The following FAM81A variants were observed in gnomAD, a reference collection of about 807,000 sequenced individuals.
FAM81A encodes family with sequence similarity 81 member A.
FAM81A carries 19 observed loss-of-function variants against 46.7 expected under a neutral mutation model. The ratio of observed to expected loss-of-function variants is 0.41; its 90% CI spans 0.28 to 0.60. FAM81A has a LOEUF of 0.60. FAM81A is among the 20% of genes least tolerant of loss of function. The probability of loss-of-function intolerance (pLI) is 0.34; values close to 1 mark genes in which losing one functional copy is unlikely to be tolerated. For missense variants in FAM81A, 377 were observed against 453.5 expected (o/e 0.83, Z 1.53); for synonymous variants, 183 against 152.9 (o/e 1.20, Z -1.45).
intron 3 of FAM81A, among the ~76,000 whole-genome samples, chr15:59,489,298 C>CATAT (rs1555432336): frequency 1.4e-3 from 207 of 150,586 alleles, no homozygotes; most frequent in African/African-American, 5.0e-3. Flanking sequence ...TACATACATA[C>CATAT]ATACATACAT....
chr15:59,470,882 G>A (rs1044275954), intron 3 of FAM81A, among the ~76,000 whole-genome samples: 2 of 152,032 alleles, frequency 1.3e-5, no homozygotes, highest in Admixed American at 6.6e-5. Flanking sequence ...TAGTGCAGTG[G>A]CTCTATTACA....
chr15:59,492,245 C>G (rs368755462), intron 3 of FAM81A, 26 bp from the exon 4 acceptor site: 2 of 1,541,758 alleles, frequency 1.3e-6, no homozygotes, highest in Non-Finnish European at 1.8e-6. Context: ...TTAGATGACT[C>G]CCTTAGTGTT....
intron 2 of FAM81A, among the ~76,000 whole-genome samples, chr15:59,426,765 G>A (rs1029508482): frequency 1.3e-5 from 2 of 152,116 alleles, no homozygotes; most frequent in South Asian, 2.1e-4. Context: ...AACACGCCTC[G>A]ACATACCTCT....
At chr15:59,462,675 T>A (rs1301283301) in intron 3 of FAM81A, among the ~76,000 whole-genome samples, 1 of 152,176 alleles carries the variant, frequency 6.6e-6, no homozygotes, top group African/African-American at 2.4e-5. Flanking sequence ...CACTCCACTT[T>A]CCCCTCAGCC....
intron 1 of FAM81A, among the ~76,000 whole-genome samples, chr15:59,447,223 TAA>T (rs1490247326): frequency 6.6e-6 from 1 of 152,200 alleles, no homozygotes; most frequent in Non-Finnish European, 1.5e-5. Flanking sequence ...GTTGCTGAGG[TAA>T]TGTACAGTTG....
At chr15:59,426,559 C>T (rs1567040317) in intron 2 of FAM81A, among the ~76,000 whole-genome samples, 1 of 152,252 alleles carries the variant, frequency 6.6e-6, no homozygotes, top group Non-Finnish European at 1.5e-5. Flanking sequence ...TTGCGGTGAA[C>T]CGAGATTGCG....
Position 59,518,076 on chromosome 15 carries a change from G to A in FAM81A, c.982+1236G>A, listed in dbSNP as rs574057132. On this transcript the variant is annotated intron_variant, in intron 8 of 8. Coordinates refer to ENST00000288228, the MANE Select transcript of FAM81A (RefSeq NM_152450.3). ...CAACCTCTGCCTTCAGGGTACAAGCGATTCTCCTGCCTCAGCCTCCTGAGT... is the reference window on the plus strand; with the variant it reads ...CAACCTCTGCCTTCAGGGTACAAGCAATTCTCCTGCCTCAGCCTCCTGAGT... Among the ~76,000 whole-genome samples, 8 of 151,088 alleles carry A rather than the reference G, an allele frequency of 5.3e-5. No individual in the cohort carries two copies. The East Asian group carries it at 9.7e-4, about 18-fold the overall frequency.
At chr15:59,406,164 T>G (rs528723523) in intron 2 of FAM81A, among the ~76,000 whole-genome samples, 1 of 152,268 alleles carries the variant, frequency 6.6e-6, no homozygotes, top group South Asian at 2.1e-4. Flanking sequence ...ATCATTCTCA[T>G]TGAAAAATTC....
intron 3 of FAM81A, among the ~76,000 whole-genome samples, chr15:59,472,375 C>T (rs549490370): frequency 1.3e-5 from 2 of 152,030 alleles, no homozygotes; most frequent in South Asian, 2.1e-4. Flanking sequence ...CAAAACATAA[C>T]GAAAACCTGA....
At chr15:59,486,856 C>A (rs1404726746) in intron 3 of FAM81A, among the ~76,000 whole-genome samples, 1 of 152,232 alleles carries the variant, frequency 6.6e-6, no homozygotes, top group East Asian at 1.9e-4. Context: ...GATTTATCAA[C>A]ACCAGGCCTG....
chr15:59,451,653 A>C (rs535674308), intron 1 of FAM81A, among the ~76,000 whole-genome samples: 4 of 152,206 alleles, frequency 2.6e-5, no homozygotes, highest in African/African-American at 9.6e-5. Context: ...CAGTTTCCTC[A>C]TGTTGGTCAG....
chr15:59,404,440 T>G (rs1596457838), intron 2 of FAM81A, among the ~76,000 whole-genome samples: 1 of 152,156 alleles, frequency 6.6e-6, no homozygotes, highest in African/African-American at 2.4e-5. Flanking sequence ...CTGTAGCAGT[T>G]TGGTGAGAAA....
chr15:59,438,850 T>G (rs2081265523), intron 1 of FAM81A, among the ~76,000 whole-genome samples: 1 of 152,138 alleles, frequency 6.6e-6, no homozygotes. Context: ...TAAGAAATGT[T>G]ATCGTTGTCT....
chr15:59,441,917 T>C (rs1007271564), intron 1 of FAM81A, among the ~76,000 whole-genome samples: 3 of 152,224 alleles, frequency 2.0e-5, no homozygotes, highest in African/African-American at 7.2e-5. Context: ...CACTGGGCAC[T>C]TTCCCCGCGC....
intron 4 of FAM81A, among the ~76,000 whole-genome samples, chr15:59,496,213 C>T (rs1004166261): frequency 6.6e-6 from 1 of 151,990 alleles, no homozygotes; most frequent in African/African-American, 2.4e-5. Flanking sequence ...GGTAAGGTTC[C>T]ACATTTATTA....
At chr15:59,497,708 A>G (rs1475980581) in intron 4 of FAM81A, among the ~76,000 whole-genome samples, 3 of 152,152 alleles carry the variant, frequency 2.0e-5, no homozygotes, top group Non-Finnish European at 4.4e-5. Flanking sequence ...ACATAGCAAG[A>G]CTGTATATCT....
intron 3 of FAM81A, among the ~76,000 whole-genome samples, chr15:59,480,581 G>A (rs1219860938): frequency 6.6e-6 from 1 of 152,116 alleles, no homozygotes; most frequent in Non-Finnish European, 1.5e-5. Context: ...CTTGTGTGAA[G>A]CATGTTTATT....
chr15:59,414,682 G>A (rs1407089744), intron 2 of FAM81A, among the ~76,000 whole-genome samples: 1 of 152,150 alleles, frequency 6.6e-6, no homozygotes, highest in Non-Finnish European at 1.5e-5. Flanking sequence ...AGGCAGATGG[G>A]GAATTAAGAG....
intron 2 of FAM81A, among the ~76,000 whole-genome samples, chr15:59,425,111 C>G (rs1486725583): frequency 6.6e-6 from 1 of 152,032 alleles, no homozygotes; most frequent in Non-Finnish European, 1.5e-5. Flanking sequence ...TCTCAAACTC[C>G]TGGTCTCAAG....
Sources: allele counts gnomAD v4.1 joint callset (sites outside exome capture counted in the v4.1 genomes callset), GRCh38; gene constraint gnomAD v4.1.1; transcripts MANE v1.5; gene names NCBI Gene and HGNC (gene_info 2026-07-23, HGNC 2026-07-21).